Variants in EXOC3L2 observed in about 807,000 individuals in gnomAD.
EXOC3L2 encodes exocyst complex component 3 like 2, also known as exocyst complex component 3-like protein 2.
EXOC3L2 carries 17 observed loss-of-function variants against 44.4 expected under a neutral mutation model. That is an observed-to-expected ratio of 0.38 (90% CI 0.26 to 0.57). The LOEUF (loss-of-function observed/expected upper bound fraction) is 0.57, where lower values mean the gene tolerates loss of function less well. EXOC3L2 is among the 20% of genes least tolerant of loss of function. The pLI, the probability that EXOC3L2 is intolerant of heterozygous loss-of-function variation, is 0.65. For synonymous variants in EXOC3L2, 256 were observed against 253.7 expected (o/e 1.01, Z -0.09); for missense variants, 541 against 588.4 (o/e 0.92, Z 0.83).
intron 8 of EXOC3L2, among the ~76,000 whole-genome samples, chr19:45,218,973 T>C (rs1194880731): frequency 2.0e-5 from 3 of 151,994 alleles, no homozygotes; most frequent in African/African-American, 7.2e-5. Flanking sequence ...GCGCAGTGGC[T>C]CACGCCTGTA....
At chr19:45,217,027 T>G (rs1192691372) in intron 10 of EXOC3L2, 1 of 152,202 alleles carries the variant, frequency 6.6e-6, no homozygotes, top group Non-Finnish European at 1.5e-5. Flanking sequence ...GAGTCTTTTT[T>G]TTCTTTTTTT....
chr19:45,219,393 C>CAAAAAAAAAAAAAAAAAAAA (rs950797638), intron 8 of EXOC3L2, among the ~76,000 whole-genome samples: 9 of 51,538 alleles, frequency 1.7e-4, no homozygotes, highest in East Asian at 5.8e-4. Flanking sequence ...GGCCCCGTCT[C>CAAAAAAAAAAAAAAAAAAAA]AAAAAAAAAA....
At chr19:45,227,380 C>T (rs1372742689) in intron 7 of EXOC3L2, among the ~76,000 whole-genome samples, 1 of 152,136 alleles carries the variant, frequency 6.6e-6, no homozygotes, top group African/African-American at 2.4e-5. Context: ...CTCGGCCTCC[C>T]AAAGTGCTGG....
intron 4 of EXOC3L2, 80 bp from the exon 5 acceptor site, chr19:45,228,346 A>G: frequency 8.2e-7 from 1 of 1,226,116 alleles, no homozygotes; most frequent in South Asian, 1.3e-5. Flanking sequence ...TCCCACCACA[A>G]TCCCCTAGCC....
At chr19:45,239,252 C>G (rs1970110982) in intron 1 of EXOC3L2, among the ~76,000 whole-genome samples, 191 bp from the exon 2 acceptor site, 1 of 144,522 alleles carries the variant, frequency 6.9e-6, no homozygotes, top group African/African-American at 2.6e-5. Flanking sequence ...GGGTCTCGCT[C>G]TGTCGCCCAG....
chr19:45,229,440 ATAAT>A (rs1448022193), intron 4 of EXOC3L2, among the ~76,000 whole-genome samples: 1 of 146,928 alleles, frequency 6.8e-6, no homozygotes, highest in African/African-American at 2.5e-5. Context: ...TTATATATTA[ATAAT>A]TAGTATGTAT....
chr19:45,237,495 G>A (rs1481662227), intron 2 of EXOC3L2, among the ~76,000 whole-genome samples: 5 of 151,890 alleles, frequency 3.3e-5, no homozygotes, highest in Non-Finnish European at 7.4e-5. Context: ...GTGATAGAGC[G>A]AGACCTTGTC....
intron 7 of EXOC3L2, 85 bp downstream of exon 7, chr19:45,227,577 G>T: frequency 2.5e-6 from 3 of 1,197,410 alleles, no homozygotes; most frequent in Non-Finnish European, 3.6e-6. Context: ...AGTCAGTTCT[G>T]CAATCCCCAC....
intron 10 of EXOC3L2, 58 bp downstream of exon 10, chr19:45,217,470 C>T (rs1969847176): frequency 2.7e-6 from 4 of 1,471,514 alleles, no homozygotes; most frequent in Non-Finnish European, 2.7e-6. Flanking sequence ...CTGAGATTCT[C>T]GGAAGCCAAG....
intron 8 of EXOC3L2, among the ~76,000 whole-genome samples, chr19:45,220,129 A>C (rs1969881425): frequency 6.6e-6 from 1 of 152,024 alleles, no homozygotes; most frequent in African/African-American, 2.4e-5. Flanking sequence ...GCTGAGATCA[A>C]GCCATTGCAC....
intron 8 of EXOC3L2, among the ~76,000 whole-genome samples, chr19:45,220,649 C>T (rs1411838568): frequency 1.3e-5 from 2 of 151,822 alleles, no homozygotes; most frequent in African/African-American, 4.8e-5. Flanking sequence ...TTATTCCAGG[C>T]ATAAGACAGG....
In EXOC3L2 at chr19:45,234,138, C is replaced by G; in HGVS notation, c.1157+55G>C. On this transcript the variant is annotated intron_variant, in intron 3 of 11. Transcript: ENST00000413988. This position sits in a 1 kb window ranked among gnomAD's most constrained non-coding sequence, Gnocchi z 5.0. ...TCCTTAAGGTCTGAAGAAGCCAGTGCTAGGGGGTAGGGCTGAGGGTTTCAC... is the reference window on the plus strand; with the variant it reads ...TCCTTAAGGTCTGAAGAAGCCAGTGGTAGGGGGTAGGGCTGAGGGTTTCAC... 2.6e-6 allele frequency: 1 copy of G among 385,378 alleles called. No homozygotes were observed. The highest frequency in any genetic ancestry group is 4.6e-6 in the Non-Finnish European group (1 of 217,396). The allele number at this position is 385,378 out of a possible 1,614,324, so 23.9% of individuals were successfully genotyped here.
chr19:45,224,777 C>CTCCTGGAACTG lies in EXOC3L2; in HGVS notation c.1719_1719+1insCAGTTCCAGGA (p.Pro574GlnfsTer10). ...CAACCCTGGCCTCCCACCTCACTCACCTGCAGCTCCTGGAACAGCAGGTTG... is the reference window on the plus strand; with the variant it reads ...CAACCCTGGCCTCCCACCTCACTCACTCCTGGAACTGCTGCAGCTCCTGGAACAGCAGGTTG... On this transcript the variant is annotated frameshift_variant and splice_region_variant. Coordinates refer to ENST00000413988, the MANE Select transcript of EXOC3L2 (RefSeq NM_001382422.1). LOFTEE classifies it high-confidence loss of function. 6.4e-7 allele frequency: 1 copy of CTCCTGGAACTG among 1,552,296 alleles called. No homozygotes were observed. Among genetic ancestry groups the CTCCTGGAACTG allele is most frequent in the South Asian group, 1.2e-5 (1 of 84,270 alleles).
chr19:45,233,697 C>G (rs1282774607), intron 3 of EXOC3L2, among the ~76,000 whole-genome samples: 1 of 152,014 alleles, frequency 6.6e-6, no homozygotes, highest in East Asian at 1.9e-4. Flanking sequence ...GGTGGGAATG[C>G]TAGGATTCTA....
chr19:45,232,781 C>A (rs1430687462), intron 3 of EXOC3L2, among the ~76,000 whole-genome samples: 1 of 152,138 alleles, frequency 6.6e-6, no homozygotes, highest in Middle Eastern at 3.2e-3. Flanking sequence ...AAACAGCACT[C>A]AAGTCCTAAA....
chr19:45,234,199 T>C lies in EXOC3L2; in HGVS notation c.1151A>G (p.Tyr384Cys), dbSNP rs1257773568. 3 of 396,930 alleles carry C rather than the reference T, an allele frequency of 7.6e-6. No homozygotes were observed. Among genetic ancestry groups the C allele is most frequent in the East Asian group, 3.6e-5 (1 of 27,978 alleles). 24.6% of individuals were successfully genotyped at this position (396,930 alleles called of 1,614,324 possible). Reference sequence around the variant, plus strand: ...GCAACTGAGTCCAGCTTACCTGGGGTAGACCTGATTGTGCCAGTGCAGCAG... The same window carrying C: ...GCAACTGAGTCCAGCTTACCTGGGGCAGACCTGATTGTGCCAGTGCAGCAG... Reference protein sequence around the residue: ...YALLHWHNQVYPREVLGLVDM... With the variant: ...YALLHWHNQVCPREVLGLVDM... Residue 384 changes from tyrosine to cysteine, a missense_variant, in exon 3 of 12, where the codon TAC becomes TGC. Coordinates refer to ENST00000413988, the MANE Select transcript of EXOC3L2 (RefSeq NM_001382422.1). This position sits in a 1 kb window ranked among gnomAD's most constrained non-coding sequence, Gnocchi z 5.0.
intron 1 of EXOC3L2, among the ~76,000 whole-genome samples, chr19:45,240,102 ATTTTTTT>A (rs34966417): frequency 1.6e-5 from 2 of 125,976 alleles, no homozygotes; most frequent in Admixed American, 8.3e-5. Context: ...GCAAAGCCTA[ATTTTTTT>A]TTTTTTTTTT....
At chr19:45,231,991 T>C in intron 3 of EXOC3L2, 117 bp from the exon 4 acceptor site, 1 of 525,954 alleles carries the variant, frequency 1.9e-6, no homozygotes, top group Non-Finnish European at 3.3e-6. Flanking sequence ...CCTTCCTCTC[T>C]CTAAGTCATC....
chr19:45,216,336 G>T, intron 10 of EXOC3L2, 142 bp from the exon 11 acceptor site: 3 of 1,190,974 alleles, frequency 2.5e-6, no homozygotes, highest in Non-Finnish European at 1.1e-6. Flanking sequence ...AGCACTTTGG[G>T]AGGAGGCCGA....
Sources: allele counts gnomAD v4.1 joint callset (sites outside exome capture counted in the v4.1 genomes callset), GRCh38; gene constraint gnomAD v4.1.1; non-coding constraint Gnocchi (gnomAD v3.1); transcripts MANE v1.5; gene names NCBI Gene and HGNC (gene_info 2026-07-23, HGNC 2026-07-21).